Variants in SFMBT2 observed in about 807,000 individuals in gnomAD.
SFMBT2 encodes the protein scm-like with four MBT domains protein 2.
SFMBT2 carries 38 observed loss-of-function variants against 110.1 expected under a neutral mutation model. The ratio of observed to expected loss-of-function variants is 0.35; its 90% CI spans 0.27 to 0.45. SFMBT2 has a LOEUF of 0.45. Ranked by LOEUF, SFMBT2 falls within the 20% of genes least tolerant of loss-of-function variation. The pLI is 1.00. For synonymous variants in SFMBT2, 425 were observed against 425.4 expected (o/e 1.00, Z 0.01); for missense variants, 1,011 against 1,094.9 (o/e 0.92, Z 1.08).
chr10:7,376,947 A>G (rs1306486981), intron 2 of SFMBT2, among the ~76,000 whole-genome samples: 1 of 150,556 alleles, frequency 6.6e-6, no homozygotes, highest in Non-Finnish European at 1.5e-5. Context: ...GAGGCGGGCA[A>G]ATCACGAGGT....
intron 4 of SFMBT2, among the ~76,000 whole-genome samples, chr10:7,365,865 G>T (rs1040323005): frequency 3.3e-5 from 5 of 152,154 alleles, no homozygotes; most frequent in African/African-American, 7.2e-5. Flanking sequence ...GGTGATAAAA[G>T]AAATGTTCTG....
At chr10:7,359,159 G>T (rs1844625870) in intron 4 of SFMBT2, among the ~76,000 whole-genome samples, 1 of 152,242 alleles carries the variant, frequency 6.6e-6, no homozygotes, top group Non-Finnish European at 1.5e-5. Flanking sequence ...TGTGCCCGGG[G>T]GCCTTGTCTG....
chr10:7,266,255 A>G (rs1841387621), intron 7 of SFMBT2, among the ~76,000 whole-genome samples: 1 of 151,836 alleles, frequency 6.6e-6, no homozygotes, highest in Non-Finnish European at 1.5e-5. Flanking sequence ...ATGCCCAGAT[A>G]ATTTTTGTAT....
intron 4 of SFMBT2, among the ~76,000 whole-genome samples, chr10:7,307,921 T>C (rs1449617168): frequency 1.3e-5 from 2 of 152,204 alleles, no homozygotes; most frequent in Non-Finnish European, 2.9e-5. Flanking sequence ...TAATATCACA[T>C]ATCTGTTCCT....
intron 4 of SFMBT2, among the ~76,000 whole-genome samples, chr10:7,336,430 G>A (rs2131973402): frequency 6.6e-6 from 1 of 152,276 alleles, no homozygotes; most frequent in Admixed American, 6.5e-5. Flanking sequence ...TATTTATCTT[G>A]CATCATATGA....
At chr10:7,208,680 C>T (rs1465395854) in intron 11 of SFMBT2, among the ~76,000 whole-genome samples, 1 of 94,230 alleles carries the variant, frequency 1.1e-5, no homozygotes, top group Admixed American at 1.4e-4. Flanking sequence ...GAGCAAAATT[C>T]CATCTCAAAA....
intron 2 of SFMBT2, among the ~76,000 whole-genome samples, chr10:7,372,013 AC>A (rs1564463281): frequency 7.9e-6 from 1 of 125,818 alleles, no homozygotes. Flanking sequence ...TACAACCTCC[AC>A]CCCCCAGGTT....
chr10:7,222,281 A>T (rs759389097), intron 10 of SFMBT2, among the ~76,000 whole-genome samples: 11 of 152,372 alleles, frequency 7.2e-5, no homozygotes, highest in Non-Finnish European at 1.5e-4. Flanking sequence ...AGTGATTGTG[A>T]TTAAAGCTGC....
In SFMBT2 at chr10:7,387,795, C is replaced by A. The variant is rs1037037539; in HGVS notation, c.-51-5846G>T. Among the ~76,000 whole-genome samples, 905 of 144,922 alleles carry A rather than the reference C, an allele frequency of 6.2e-3. 9 individuals are homozygous for A. Among genetic ancestry groups the A allele is most frequent in the African/African-American group, 0.019 (752 of 39,216 alleles). The stretch of plus-strand genomic sequence containing the variant: ...AAAATAGGAAAAAAAAAAAAAAAAA[C>A]CAATTAGCTGGGTATGGTCGTGTGC... On this transcript the variant is annotated intron_variant, in intron 1 of 20. Transcript: ENST00000397167.
At chr10:7,267,305 T>C (rs1001844614) in intron 7 of SFMBT2, among the ~76,000 whole-genome samples, 1 of 152,204 alleles carries the variant, frequency 6.6e-6, no homozygotes, top group East Asian at 1.9e-4. Flanking sequence ...CCTATAACCA[T>C]GAGTGTAATG....
chr10:7,262,236 T>G (rs1343932114), intron 7 of SFMBT2, among the ~76,000 whole-genome samples: 1 of 150,486 alleles, frequency 6.6e-6, no homozygotes. Flanking sequence ...TTTTTTAATG[T>G]TTTTTGGAGG....
At chr10:7,263,686 G>C (rs987377323) in intron 7 of SFMBT2, among the ~76,000 whole-genome samples, 2 of 152,224 alleles carry the variant, frequency 1.3e-5, no homozygotes, top group African/African-American at 2.4e-5. Context: ...AATGCCTGGA[G>C]AATGTAAGTG....
At chr10:7,298,694 CAT>C (rs1391902289) in intron 4 of SFMBT2, among the ~76,000 whole-genome samples, 20 of 152,040 alleles carry the variant, frequency 1.3e-4, no homozygotes, top group Middle Eastern at 6.8e-3. Context: ...CGTGTACTTG[CAT>C]ATGTGTGTGC....
At chr10:7,311,045 C>CAAAA (rs201310544) in intron 4 of SFMBT2, among the ~76,000 whole-genome samples, 3 of 96,938 alleles carry the variant, frequency 3.1e-5, no homozygotes, top group Non-Finnish European at 4.1e-5. Context: ...AACTCCATCT[C>CAAAA]AAAAAAAAAA....
chr10:7,409,875 A>ACGAG (rs1846325582), intron 1 of SFMBT2, among the ~76,000 whole-genome samples: 1 of 152,018 alleles, frequency 6.6e-6, no homozygotes, highest in Non-Finnish European at 1.5e-5. Context: ...CCAAGAAAAC[A>ACGAG]CGAGTACGGA....
At chr10:7,228,781 T>TCC (rs1554790223) in intron 9 of SFMBT2, among the ~76,000 whole-genome samples, 32 of 110,380 alleles carry the variant, frequency 2.9e-4, no homozygotes, top group African/African-American at 7.2e-4. Context: ...TCTCTCTCTC[T>TCC]CCCCCTCCCT....
In SFMBT2 at chr10:7,172,340, G is replaced by A. The variant is rs1347941910; in HGVS notation, c.2151+155C>T. On this transcript the variant is annotated intron_variant, in intron 18 of 20. Transcript: ENST00000397167. The surrounding 1 kb of genome is among the most constrained non-coding windows in gnomAD (Gnocchi z 4.6). ...CAAAGCAGCTGGACACACTACATTT[G>A]TTTTCAGCAAGTAAGGAGGAGGGGG... 1.5e-5 allele frequency: 15 copies of A among 985,342 alleles called. No individual in the cohort carries two copies. The East Asian group carries it at 5.7e-4, about 37-fold the overall frequency. 61.0% of individuals were successfully genotyped at this position (985,342 alleles called of 1,614,324 possible).
chr10:7,397,442 C>G (rs1845956736), intron 1 of SFMBT2, among the ~76,000 whole-genome samples: 1 of 151,602 alleles, frequency 6.6e-6, no homozygotes, highest in African/African-American at 2.4e-5. Flanking sequence ...AAGGTCTAAG[C>G]GAAAAGCTTG....
chr10:7,176,537 T>G, intron 16 of SFMBT2: 2 of 984,924 alleles, frequency 2.0e-6, no homozygotes, highest in Non-Finnish European at 2.4e-6. Context: ...GCTATCATAT[T>G]TCATTTTTGA....
Sources: gnomAD v4.1 joint callset for allele counts (sites outside exome capture counted in the v4.1 genomes callset) on GRCh38, gnomAD v4.1.1 for gene constraint, Gnocchi (gnomAD v3.1) non-coding constraint, MANE v1.5 for transcripts, NCBI Gene and HGNC (gene_info 2026-07-23, HGNC 2026-07-21) for gene names.